TSPAN9: variants seen among roughly 807,000 people sequenced by gnomAD.
The protein encoded by TSPAN9 is tetraspanin-9.
A neutral mutation model predicts 31.0 loss-of-function variants in TSPAN9; 16 were observed. That is an observed-to-expected ratio of 0.52 (90% CI 0.35 to 0.78). The LOEUF is 0.78. TSPAN9 is among the 30% of genes least tolerant of loss of function. The pLI is 0.01. For synonymous variants in TSPAN9, 145 were observed against 121.6 expected (o/e 1.19, Z -1.27); for missense variants, 272 against 312.5 (o/e 0.87, Z 0.98).
intron 3 of TSPAN9, among the ~76,000 whole-genome samples, chr12:3,235,072 C>T (rs1230122693): frequency 1.4e-5 from 2 of 146,140 alleles, no homozygotes; most frequent in Non-Finnish European, 3.0e-5. Flanking sequence ...GAGGCTGAGG[C>T]GGGAGAATGA....
chr12:3,164,826 G>A (rs1248018226), intron 2 of TSPAN9, among the ~76,000 whole-genome samples: 1 of 152,236 alleles, frequency 6.6e-6, no homozygotes, highest in Non-Finnish European at 1.5e-5. Context: ...AGGAGGTCCT[G>A]TCTTGGGTAG....
chr12:3,232,198 A>G (rs917563532), intron 3 of TSPAN9, among the ~76,000 whole-genome samples: 8 of 151,986 alleles, frequency 5.3e-5, no homozygotes, highest in African/African-American at 1.5e-4. Flanking sequence ...TTCCTCCTAT[A>G]TGGTAAATCC....
chr12:3,176,782 G>A (rs544255276), intron 2 of TSPAN9, among the ~76,000 whole-genome samples: 254 of 152,304 alleles, frequency 1.7e-3, no homozygotes, highest in Middle Eastern at 6.8e-3. Context: ...CTCCACACCT[G>A]GCTGAGAATC....
chr12:3,255,637 G>A (rs1862331092), intron 3 of TSPAN9, among the ~76,000 whole-genome samples: 1 of 152,190 alleles, frequency 6.6e-6, no homozygotes, highest in Non-Finnish European at 1.5e-5. Context: ...GGTGTCATAG[G>A]GTAATTGGTT....
chr12:3,176,011 G>C (rs1004036205), intron 2 of TSPAN9, among the ~76,000 whole-genome samples: 2 of 152,344 alleles, frequency 1.3e-5, no homozygotes, highest in Admixed American at 1.3e-4. Flanking sequence ...CAAGCTCTCA[G>C]AGGGTCTGAA....
intron 2 of TSPAN9, among the ~76,000 whole-genome samples, chr12:3,176,844 C>T (rs931201016): frequency 1.3e-5 from 2 of 152,214 alleles, no homozygotes; most frequent in Admixed American, 1.3e-4. Context: ...GATTACCCAC[C>T]AGAGCCCGTC....
At chr12:3,109,299 T>TGTGTGTGTGTGTGTGAGAGAGAGAGA (rs1274383200) in intron 2 of TSPAN9, among the ~76,000 whole-genome samples, 5 of 118,350 alleles carry the variant, frequency 4.2e-5, no homozygotes, top group African/African-American at 2.3e-4. Context: ...TGTGTGTGTG[T>TGTGTGTGTGTGTGTGAGAGAGAGAGA]GAGAGAGAGT....
intron 3 of TSPAN9, among the ~76,000 whole-genome samples, chr12:3,224,939 C>T (rs777365261): frequency 5.3e-5 from 8 of 152,156 alleles, no homozygotes; most frequent in Non-Finnish European, 8.8e-5. Context: ...TCCCATGGCT[C>T]ATCCCGATGG....
intron 2 of TSPAN9, among the ~76,000 whole-genome samples, chr12:3,148,982 G>C (rs1003566887): frequency 6.6e-6 from 1 of 152,204 alleles, no homozygotes; most frequent in Non-Finnish European, 1.5e-5. Context: ...AAGAGGGGAG[G>C]GTGGTGGCTG....
chr12:3,174,609 G>GTC (rs2098353944), intron 2 of TSPAN9, among the ~76,000 whole-genome samples: 1 of 152,064 alleles, frequency 6.6e-6, no homozygotes, highest in African/African-American at 2.4e-5. Flanking sequence ...TTGAGACGGA[G>GTC]TCTCACTCTG....
intron 3 of TSPAN9, among the ~76,000 whole-genome samples, chr12:3,212,197 T>A (rs1221052197): frequency 6.6e-6 from 1 of 151,828 alleles, no homozygotes; most frequent in Non-Finnish European, 1.5e-5. Flanking sequence ...GTCTCGAACT[T>A]CTGACCTCGT....
At chr12:3,212,620 G>C (rs886654321) in intron 3 of TSPAN9, among the ~76,000 whole-genome samples, 1 of 152,176 alleles carries the variant, frequency 6.6e-6, no homozygotes, top group African/African-American at 2.4e-5. Context: ...CCAGGGTTCA[G>C]CTGAGCTCTT....
chr12:3,159,768 G>A (rs1302284975), intron 2 of TSPAN9, among the ~76,000 whole-genome samples: 5 of 152,194 alleles, frequency 3.3e-5, no homozygotes, highest in East Asian at 1.9e-4. Context: ...GGAAGACAAC[G>A]TGAAGACGTA....
intron 3 of TSPAN9, among the ~76,000 whole-genome samples, chr12:3,218,757 C>G (rs1157766609): frequency 6.6e-6 from 1 of 152,222 alleles, no homozygotes; most frequent in African/African-American, 2.4e-5. Context: ...GTGATTAAGA[C>G]ATCACCAGCT....
Position 3,281,288 on chromosome 12 carries a change from C to T in TSPAN9, c.523C>T (p.Gln175Ter). The change falls in exon 7 of 9, where the codon CAG becomes TAG. Residue 175 changes from glutamine (Q) to a stop codon, truncating the protein, a stop_gained. Transcript: ENST00000011898. LOFTEE classifies it high-confidence loss of function. ...CGACCGCTGCTGCATGGAGAACTCC[C>T]AGGGCTGCGGGCGCAACGCCACCAC... ...VPDRCCMENSQGCGRNATTPL... is the reference protein window; with the variant it reads ...VPDRCCMENS 1 of 1,551,210 alleles carries T rather than the reference C, an allele frequency of 6.4e-7. No individual in the cohort carries two copies. The highest frequency in any genetic ancestry group is 8.7e-7 in the Non-Finnish European group (1 of 1,146,922).
chr12:3,267,881 A>G (rs989880245), intron 3 of TSPAN9, among the ~76,000 whole-genome samples: 16 of 152,120 alleles, frequency 1.1e-4, no homozygotes, highest in African/African-American at 3.9e-4. Flanking sequence ...CTCCTGCCCA[A>G]CGTAGAGTGC....
rs572640198 is a variant in TSPAN9 at position 3,256,419 on chromosome 12, A to G, written c.64-22002A>G. Among the ~76,000 whole-genome samples, 5 of 152,346 alleles carry G rather than the reference A, an allele frequency of 3.3e-5. No homozygotes were observed. In the East Asian group the frequency reaches 9.7e-4, roughly 29 times the overall value. ...CAGCATGACGGAGGCCCTGAGGCCA[A>G]GGCCACAGGCCTGGCGCCGGGCACC... On this transcript the variant is annotated intron_variant, in intron 3 of 8. Transcript: ENST00000011898.
At chr12:3,210,007 G>A (rs546827269) in intron 3 of TSPAN9, among the ~76,000 whole-genome samples, 19 of 144,660 alleles carry the variant, frequency 1.3e-4, no homozygotes, top group Middle Eastern at 7.4e-3. Context: ...GTGGTGGCGG[G>A]TGCCTGTAGT....
In TSPAN9 at chr12:3,095,678, G is replaced by C. The variant is rs1454184731; in HGVS notation, c.-18+11959G>C. ...GACGGGGCGGCTGGCCAGGCAGAGG[G>C]GCTCCTCACTTCCCAGATGGGGCGG... On this transcript the variant is annotated intron_variant, in intron 2 of 8. Transcript: ENST00000011898. Among the ~76,000 whole-genome samples the C allele has an allele frequency of 7.6e-5, 11 of 144,640 alleles. No homozygotes were observed. The East Asian group carries it at 1.7e-3, about 22-fold the overall frequency. The allele number at this position is 144,640 out of a possible 152,430, so 94.9% of individuals were successfully genotyped here.
Sources: allele counts gnomAD v4.1 joint callset (sites outside exome capture counted in the v4.1 genomes callset), GRCh38; gene constraint gnomAD v4.1.1; transcripts MANE v1.5; gene names NCBI Gene and HGNC (gene_info 2026-07-23, HGNC 2026-07-21).